PRDM2: variants seen among roughly 807,000 people sequenced by gnomAD.
PRDM2 encodes PR domain zinc finger protein 2.
In PRDM2, 30 loss-of-function variants were observed where a neutral mutation model predicts 130.0. The observed-to-expected ratio is 0.23, with a 90% CI of 0.17 to 0.31. The LOEUF (loss-of-function observed/expected upper bound fraction) is 0.31. PRDM2 is among the 10% of genes least tolerant of loss of function. PRDM2 has a pLI of 1.00. For missense variants in PRDM2, 2,011 were observed against 2,108.4 expected, an observed-to-expected ratio of 0.95 and a Z score of 0.90; for synonymous variants, 871 against 782.4, an observed-to-expected ratio of 1.11 and a Z score of -1.89.
rs752483471 is a variant in PRDM2, at chr1:13,823,174, G to A, written c.*39G>A. ...TTCTCCTCAGCACCTGAAGTGACCT[G>A]GAATCAGTGAAGCCAAAGGGACTGG... On this transcript the variant is annotated 3_prime_UTR_variant, in exon 10 of 10. Transcript: ENST00000311066. 3 of 1,613,438 alleles carry A rather than the reference G, an allele frequency of 1.9e-6. No individual in the cohort carries two copies. The highest frequency in any genetic ancestry group is 1.1e-5 in the South Asian group (1 of 90,966).
At chr1:13,741,892 A>AT in intron 4 of PRDM2, 113 bp from the exon 5 acceptor site, 1 of 815,344 alleles carries the variant, frequency 1.2e-6, no homozygotes, top group East Asian at 2.7e-5. Context: ...GAAATGCTTT[A>AT]TATAGAGTAC....
intron 1 of PRDM2, 102 bp from the exon 2 acceptor site, chr1:13,715,439 A>T (rs1642503316): frequency 2.2e-6 from 1 of 457,436 alleles, no homozygotes; most frequent in Non-Finnish European, 3.9e-6. Flanking sequence ...GAGTTGCTTT[A>T]TAAATAGCCC....
At chr1:13,785,902 G>T (rs1302077393) in intron 8 of PRDM2, among the ~76,000 whole-genome samples, 1 of 146,822 alleles carries the variant, frequency 6.8e-6, no homozygotes, top group Non-Finnish European at 1.5e-5. Context: ...GCAGTGGCAC[G>T]ATCTTGGCTC....
chr1:13,782,659 T>C lies in PRDM2; in HGVS notation c.4864T>C (p.Leu1622=). 1 of 1,614,172 alleles carries C rather than the reference T, an allele frequency of 6.2e-7. No homozygotes were observed. The highest frequency in any genetic ancestry group is 1.1e-5 in the South Asian group (1 of 91,086). Residue 1622 remains leucine, a synonymous_variant, in exon 8 of 10, where the codon TTA becomes CTA. Coordinates refer to ENST00000311066, the MANE Select transcript of PRDM2 (RefSeq NM_001393986.1). ...HVRVQKSKAV[L]QSKSTLASKK... is the part of the protein sequence containing the mutation. The stretch of plus-strand genomic sequence containing the variant: ...GAGGGTACAGAAAAGCAAAGCTGTT[T>C]TACAAAGCAAATCCACCTTGGCGAG...
chr1:13,816,037 T>TG (rs1017017348), intron 8 of PRDM2, among the ~76,000 whole-genome samples: 2 of 151,804 alleles, frequency 1.3e-5, no homozygotes, highest in African/African-American at 4.8e-5. Flanking sequence ...GGGAGGCAGG[T>TG]GGGGAAATGG....
chr1:13,812,717 C>T (rs1270095389), intron 8 of PRDM2, among the ~76,000 whole-genome samples: 1 of 152,214 alleles, frequency 6.6e-6, no homozygotes, highest in Non-Finnish European at 1.5e-5. Context: ...AGAAGTCTTA[C>T]CTGACATTCA....
intron 1 of PRDM2, among the ~76,000 whole-genome samples, chr1:13,700,962 G>A (rs1642056381): frequency 6.6e-6 from 1 of 152,174 alleles, no homozygotes. Flanking sequence ...TTTTGATGGT[G>A]GTAAGTGAGA....
At chr1:13,787,188 CAG>C (rs1644759490) in intron 8 of PRDM2, 1 of 983,664 alleles carries the variant, frequency 1.0e-6, no homozygotes, top group African/African-American at 1.7e-5. Context: ...GTTATCCTCT[CAG>C]ATTCTTATCT....
chr1:13,765,392 G>A (rs1644200717), intron 6 of PRDM2, among the ~76,000 whole-genome samples: 1 of 152,080 alleles, frequency 6.6e-6, no homozygotes, highest in Non-Finnish European at 1.5e-5. Context: ...TAAACTACTA[G>A]GCACATATGC....
Position 13,780,279 on chromosome 1 carries a change from C to T in PRDM2, c.2484C>T (p.Ser828=), listed in dbSNP as rs370942058. ...ACCAGCAGCCACTGGATTTATCCAG[C>T]GGTGTCAAACAGAAGGCTGAGGGTA... ...VCNQQPLDLS[S]GVKQKAEGTG... is the part of the protein sequence containing the mutation. Residue 828 remains serine (S), a synonymous_variant, in exon 8 of 10, where the codon AGC becomes AGT. Coordinates refer to ENST00000311066, the MANE Select transcript of PRDM2 (RefSeq NM_001393986.1). The T allele has an allele frequency of 3.1e-5, 50 of 1,614,036 alleles. No homozygotes were observed. Among genetic ancestry groups the T allele is most frequent in the South Asian group, 8.8e-5 (8 of 91,056 alleles).
chr1:13,803,274 C>T lies in PRDM2; in HGVS notation c.5037-13153C>T, dbSNP rs539009277. Among the ~76,000 whole-genome samples, 35 of 152,326 alleles carry T rather than the reference C, an allele frequency of 2.3e-4. No homozygotes were observed. Among genetic ancestry groups the T allele is most frequent in the Non-Finnish European group, 3.1e-4 (21 of 68,040 alleles). On this transcript the variant is annotated intron_variant, in intron 8 of 9. Transcript: ENST00000311066. The surrounding 1 kb of genome is among the most constrained non-coding windows in gnomAD (Gnocchi z 6.2). ...GGACAGGCACATTTCAGGGTTGAAC[C>T]GCACCAGGAGCCTGGCTTTGCCATC...
intron 1 of PRDM2, among the ~76,000 whole-genome samples, chr1:13,710,329 G>C (rs144094531): frequency 0.018 from 2,741 of 152,320 alleles, 64 homozygotes; most frequent in South Asian, 0.12. Context: ...CAGCTTAACA[G>C]TTGTTGAGGT....
At chr1:13,713,689 A>C (rs1642441977) in intron 1 of PRDM2, among the ~76,000 whole-genome samples, 1 of 152,108 alleles carries the variant, frequency 6.6e-6, no homozygotes, top group Non-Finnish European at 1.5e-5. Flanking sequence ...TAATAAATCT[A>C]CCTATAAAAG....
At chr1:13,813,597 C>G (rs1451152098) in intron 8 of PRDM2, among the ~76,000 whole-genome samples, 1 of 152,198 alleles carries the variant, frequency 6.6e-6, no homozygotes, top group Non-Finnish European at 1.5e-5. Flanking sequence ...CTTGTTCTTC[C>G]TACCTCCTGG....
chr1:13,766,455 G>A (rs1263776265), intron 6 of PRDM2, among the ~76,000 whole-genome samples: 1 of 152,228 alleles, frequency 6.6e-6, no homozygotes, highest in Non-Finnish European at 1.5e-5. Context: ...TATGGTATTA[G>A]TGATAGCCAT....
intron 4 of PRDM2, chr1:13,738,711 A>G (rs1341625296): frequency 6.6e-6 from 1 of 152,168 alleles, no homozygotes; most frequent in Non-Finnish European, 1.5e-5. Flanking sequence ...TTATTCTAGA[A>G]TTTTCAGAAC....
At position 13,781,560 on chromosome 1, in the gene PRDM2, T is replaced by C. The variant is rs746270168; in HGVS notation, c.3765T>C (p.Thr1255=). The C allele has an allele frequency of 6.2e-7, 1 of 1,612,364 alleles. No individual in the cohort carries two copies. The change falls in exon 8 of 10, where the codon ACT becomes ACC. Residue 1255 remains threonine, a synonymous_variant. Transcript: ENST00000311066. This position sits in a 1 kb window ranked among gnomAD's most constrained non-coding sequence, Gnocchi z 6.1. The stretch of plus-strand genomic sequence containing the variant: ...GCTTGCCAGAAGATCCTTTAGAAAC[T>C]TCTAAAGAAGAAGAGGAGTTAAATG... The part of the protein sequence containing the change: ...MQSLPEDPLE[T]SKEEEELNDS...
chr1:13,782,831 G>T lies in PRDM2; in HGVS notation c.5036G>T (p.Ser1679Ile). 6.2e-7 allele frequency: 1 copy of T among 1,609,284 alleles called. No homozygotes were observed. Among genetic ancestry groups the T allele is most frequent in the Non-Finnish European group, 8.5e-7 (1 of 1,179,344 alleles). The change falls in exon 8 of 10, where the codon AGC becomes ATC. Residue 1679 changes from serine to isoleucine, a missense_variant and splice_region_variant. Transcript: ENST00000311066. ...GSAKQELKDF[S>I]YSLRLASRCS... ...GCCAAGCAGGAGCTGAAGGACTTCAGGTAAGCTCAGGAGCTGGTGGGAGGG... is the reference window on the plus strand; with the variant it reads ...GCCAAGCAGGAGCTGAAGGACTTCATGTAAGCTCAGGAGCTGGTGGGAGGG...
intron 6 of PRDM2, among the ~76,000 whole-genome samples, chr1:13,767,126 A>G (rs1161364204): frequency 6.6e-6 from 1 of 152,206 alleles, no homozygotes; most frequent in African/African-American, 2.4e-5. Flanking sequence ...TTTGTATGGT[A>G]ACTATTTCAC....
Sources: allele counts gnomAD v4.1 joint callset (sites outside exome capture counted in the v4.1 genomes callset), GRCh38; gene constraint gnomAD v4.1.1; non-coding constraint Gnocchi (gnomAD v3.1); transcripts MANE v1.5; gene names NCBI Gene and HGNC (gene_info 2026-07-23, HGNC 2026-07-21).